The following HDAC9 variants were observed in gnomAD, a reference collection of about 807,000 sequenced individuals.
HDAC9 encodes histone deacetylase 9, also known as MEF-2 interacting transcription repressor (MITR) protein.
HDAC9 carries 41 observed loss-of-function variants against 139.4 expected under a neutral mutation model. The observed-to-expected ratio is 0.29, with a 90% CI of 0.23 to 0.38. HDAC9 has a LOEUF of 0.38. HDAC9 is among the 10% of genes least tolerant of loss of function. The probability of loss-of-function intolerance (pLI) is 1.00; values close to 1 mark genes in which losing one functional copy is unlikely to be tolerated. For synonymous variants in HDAC9, 517 were observed against 476.2 expected (o/e 1.09, Z -1.12); for missense variants, 1,147 against 1,297.0 (o/e 0.88, Z 1.78).
intron 1 of HDAC9, among the ~76,000 whole-genome samples, chr7:18,423,158 T>A (rs767438583): frequency 4.6e-5 from 7 of 152,250 alleles, no homozygotes; most frequent in Admixed American, 2.6e-4. Context: ...AGAACAGGTA[T>A]CTTTTGTTTT....
Position 18,440,745 on chromosome 7 carries a change from G to C in HDAC9, c.-41-55517G>C, listed in dbSNP as rs1390698636. Among the ~76,000 whole-genome samples the C allele has an allele frequency of 2.0e-5, 3 of 152,116 alleles. No individual in the cohort carries two copies. The East Asian group carries it at 5.8e-4, about 29-fold the overall frequency. On this transcript the variant is annotated intron_variant, in intron 1 of 3. Transcript: ENST00000413509. ...AAGAAAAAAGACATATACAGATGCT[G>C]ATGATTCTAAGATGCCATAATCACT...
At chr7:18,747,150 G>C (rs1360076162) in intron 13 of HDAC9, among the ~76,000 whole-genome samples, 1 of 152,164 alleles carries the variant, frequency 6.6e-6, no homozygotes, top group Admixed American at 6.6e-5. Context: ...GAACAAAAGA[G>C]GGAGATATAT....
chr7:18,537,964 T>A (rs997845229), intron 2 of HDAC9, among the ~76,000 whole-genome samples: 4 of 152,216 alleles, frequency 2.6e-5, no homozygotes, highest in African/African-American at 7.2e-5. Context: ...AGCATCATCC[T>A]CTGTGCCCAA....
intron 2 of HDAC9, among the ~76,000 whole-genome samples, chr7:18,210,394 G>A (rs1410165069): frequency 6.6e-6 from 1 of 152,110 alleles, no homozygotes; most frequent in Non-Finnish European, 1.5e-5. Flanking sequence ...CAGTTAAGAG[G>A]GTTTCCTATT....
intron 11 of HDAC9, among the ~76,000 whole-genome samples, chr7:18,665,407 G>T (rs1794562838): frequency 6.6e-6 from 1 of 151,964 alleles, no homozygotes; most frequent in Non-Finnish European, 1.5e-5. Context: ...ATGATATTTT[G>T]CTATTGTTTA....
chr7:18,903,063 C>G (rs1016747236), intron 22 of HDAC9, among the ~76,000 whole-genome samples: 2 of 152,170 alleles, frequency 1.3e-5, no homozygotes, highest in African/African-American at 2.4e-5. Context: ...AATTTTCTTG[C>G]ATGAGCAATT....
At chr7:18,114,564 T>A (rs1562634426) in intron 1 of HDAC9, among the ~76,000 whole-genome samples, 1 of 152,188 alleles carries the variant, frequency 6.6e-6, no homozygotes, top group Non-Finnish European at 1.5e-5. Context: ...CCATCTAGAC[T>A]ATTTTTAATT....
intron 2 of HDAC9, among the ~76,000 whole-genome samples, chr7:18,185,422 A>G (rs1789830342): frequency 6.6e-6 from 1 of 152,342 alleles, no homozygotes; most frequent in South Asian, 2.1e-4. Flanking sequence ...TCAGGAAAGC[A>G]CAAAGAACAG....
rs1160918375 is a variant in HDAC9 at position 18,272,978 on chromosome 7, CTCT to C, written c.25+110631_25+110633del. ...CTACTACTACTACTATTTCTTCCTC[CTCT>C]TTCTCCTCCTCCTCCTCTTCTTCTT... is the stretch of plus-strand genomic sequence containing the variant. On this transcript the variant is annotated intron_variant, in intron 2 of 12. Coordinates refer to the HDAC9 transcript ENST00000417496. Among the ~76,000 whole-genome samples, 3 of 149,428 alleles carry C rather than the reference CTCT, an allele frequency of 2.0e-5. No homozygotes were observed. In the East Asian group the frequency reaches 5.8e-4, roughly 29 times the overall value.
chr7:18,727,742 C>T lies in HDAC9; in HGVS notation c.1894C>T (p.Pro632Ser). 1 of 1,532,580 alleles carries T rather than the reference C, an allele frequency of 6.5e-7. No homozygotes were observed. Among genetic ancestry groups the T allele is most frequent in the Non-Finnish European group, 8.7e-7 (1 of 1,148,502 alleles). 94.9% of individuals were successfully genotyped at this position (1,532,580 alleles called of 1,614,324 possible). A position where few individuals can be genotyped will look rare whatever the true frequency, so the allele number is the denominator to read the frequency against. ...PHPAMDRPLQPGSATGIAYDP... is the reference protein window; with the variant it reads ...PHPAMDRPLQSGSATGIAYDP... ...CCCAGCAATGGACCGCCCCCTCCAG[C>T]CTGGCTCTGCAACTGGTAGGAATCC... The change falls in exon 13 of 26, where the codon CCT becomes TCT. Residue 632 changes from proline (P) to serine (S), a missense_variant. Coordinates refer to ENST00000686413, the MANE Select transcript of HDAC9 (RefSeq NM_178425.4).
In HDAC9 at chr7:18,905,893, CT is replaced by C. The variant is rs1447826928; in HGVS notation, c.2804-29912del. ...TTCCTTTCTTTTCCTTCTTTCCTTT[CT>C]TTTCCTTCTTTTCTTTCTTTTCTTT... On this transcript the variant is annotated intron_variant, in intron 22 of 25. Coordinates refer to ENST00000686413, the MANE Select transcript of HDAC9 (RefSeq NM_178425.4). Among the ~76,000 whole-genome samples the C allele has an allele frequency of 2.7e-5, 4 of 150,842 alleles. No individual in the cohort carries two copies. The East Asian group carries it at 7.8e-4, about 29-fold the overall frequency.
chr7:18,673,712 T>G (rs1280325143), intron 12 of HDAC9, among the ~76,000 whole-genome samples: 2 of 152,034 alleles, frequency 1.3e-5, no homozygotes, highest in African/African-American at 4.8e-5. Context: ...AATTGATAGA[T>G]CTCATCACAT....
At chr7:18,215,470 T>A (rs1792240475) in intron 2 of HDAC9, among the ~76,000 whole-genome samples, 1 of 152,210 alleles carries the variant, frequency 6.6e-6, no homozygotes, top group Non-Finnish European at 1.5e-5. Context: ...CTTTGCCAAA[T>A]GTATCCATGT....
chr7:18,641,020 A>G (rs1248183849), intron 8 of HDAC9, among the ~76,000 whole-genome samples: 5 of 152,104 alleles, frequency 3.3e-5, no homozygotes, highest in Non-Finnish European at 7.4e-5. Flanking sequence ...TCCCACCAGC[A>G]TCATATGAGA....
intron 12 of HDAC9, among the ~76,000 whole-genome samples, chr7:18,701,485 C>G (rs1278990564): frequency 6.6e-6 from 1 of 150,552 alleles, no homozygotes; most frequent in African/African-American, 2.4e-5. Context: ...ACTGGTTAGT[C>G]TTAACATGTA....
At chr7:18,591,475 ATGTGTGTGTGTGTGTGTG>A in intron 4 of HDAC9, 23 bp from the exon 5 acceptor site, 1 of 1,472,946 alleles carries the variant, frequency 6.8e-7, no homozygotes, top group Non-Finnish European at 9.1e-7. Context: ...CTGTGTGTGT[ATGTGTGTGTGTGTGTGTG>A]TGTGTGTGTG....
At chr7:18,951,259 C>G (rs1196359169) in intron 23 of HDAC9, among the ~76,000 whole-genome samples, 1 of 151,928 alleles carries the variant, frequency 6.6e-6, no homozygotes, top group Non-Finnish European at 1.5e-5. Context: ...GTATATGCAA[C>G]TTAACAAACA....
At chr7:18,455,274 A>C (rs1015544978) in intron 1 of HDAC9, among the ~76,000 whole-genome samples, 2 of 152,050 alleles carry the variant, frequency 1.3e-5, no homozygotes, top group Non-Finnish European at 2.9e-5. Flanking sequence ...TATTTGAAAT[A>C]GCTTTTAAAA....
At chr7:18,242,501 C>G (rs1432150326) in intron 2 of HDAC9, among the ~76,000 whole-genome samples, 1 of 152,096 alleles carries the variant, frequency 6.6e-6, no homozygotes, top group East Asian at 1.9e-4. Context: ...GTAATATTTT[C>G]TCAGTCAATT....
Sources: allele counts gnomAD v4.1 joint callset (sites outside exome capture counted in the v4.1 genomes callset), GRCh38; gene constraint gnomAD v4.1.1; transcripts MANE v1.5; gene names NCBI Gene and HGNC (gene_info 2026-07-23, HGNC 2026-07-21).